The following HIBADH variants were observed in gnomAD, a reference collection of about 807,000 sequenced individuals.
The protein encoded by HIBADH is 3-hydroxyisobutyrate dehydrogenase.
A neutral mutation model predicts 36.1 loss-of-function variants in HIBADH; 25 were observed. The observed-to-expected ratio is 0.69, with a 90% CI of 0.50 to 0.97. The LOEUF is 0.97. Among genes scored for constraint, HIBADH ranks in the 50% least tolerant of loss-of-function variants. The pLI is 0.00. For synonymous variants in HIBADH, 160 were observed against 149.5 expected (o/e 1.07, Z -0.51); for missense variants, 421 against 418.0 (o/e 1.01, Z -0.06).
At chr7:27,619,865 G>C (rs1006593727) in intron 4 of HIBADH, among the ~76,000 whole-genome samples, 14 of 152,090 alleles carry the variant, frequency 9.2e-5, no homozygotes, top group Admixed American at 2.6e-4. Flanking sequence ...CAAACCCACA[G>C]AGAAAGTGAA....
intron 1 of HIBADH, among the ~76,000 whole-genome samples, chr7:27,653,115 C>A (rs943558546): frequency 6.6e-6 from 1 of 150,848 alleles, no homozygotes; most frequent in Non-Finnish European, 1.5e-5. Context: ...GGTGACAGAG[C>A]GAGACTCCGT....
At chr7:27,533,983 T>C (rs533079825) in intron 6 of HIBADH, among the ~76,000 whole-genome samples, 2 of 152,278 alleles carry the variant, frequency 1.3e-5, no homozygotes, top group African/African-American at 2.4e-5. Context: ...CGAGAGTGCA[T>C]GCGTGCATGC....
At position 27,564,043 on chromosome 7, in the gene HIBADH, C is replaced by A. The variant is rs188349768; in HGVS notation, c.485-20943G>T. 2.9e-3 allele frequency among the ~76,000 whole-genome samples: 445 copies of A among 151,994 alleles called. 2 individuals are homozygous for A. The highest frequency in any genetic ancestry group is 4.0e-3 in the Non-Finnish European group (269 of 67,952). On this transcript the variant is annotated intron_variant, in intron 4 of 7. Coordinates refer to ENST00000265395, the MANE Select transcript of HIBADH (RefSeq NM_152740.4). ...CCTCCCAAGTAGCTGAGACTACAGG[C>A]ACCTGCCACCACACCCAGCTAATTT...
At chr7:27,642,236 A>G (rs1785973345) in intron 2 of HIBADH, among the ~76,000 whole-genome samples, 1 of 152,006 alleles carries the variant, frequency 6.6e-6, no homozygotes, top group Non-Finnish European at 1.5e-5. Flanking sequence ...TCATGATTTC[A>G]TTTTACAATC....
intron 4 of HIBADH, among the ~76,000 whole-genome samples, chr7:27,604,235 A>G: frequency 6.6e-6 from 1 of 152,150 alleles, no homozygotes; most frequent in East Asian, 1.9e-4. Context: ...CAGCAAAAAA[A>G]TCATTTTAAT....
At chr7:27,634,401 TC>T (rs1313632907) in intron 2 of HIBADH, among the ~76,000 whole-genome samples, 1 of 152,060 alleles carries the variant, frequency 6.6e-6, no homozygotes, top group African/African-American at 2.4e-5. Flanking sequence ...TCCTACACCT[TC>T]ATAAATATTG....
intron 4 of HIBADH, among the ~76,000 whole-genome samples, chr7:27,577,948 G>A (rs1202689734): frequency 2.6e-5 from 4 of 152,150 alleles, no homozygotes; most frequent in Non-Finnish European, 4.4e-5. Context: ...ATTATCAACA[G>A]TTCATGACCC....
chr7:27,641,510 T>C (rs1353612072), intron 2 of HIBADH, among the ~76,000 whole-genome samples: 1 of 152,148 alleles, frequency 6.6e-6, no homozygotes, highest in Non-Finnish European at 1.5e-5. Context: ...AGTTTCAGAG[T>C]TTCACACATA....
chr7:27,627,027 T>A (rs1791245742), intron 4 of HIBADH, among the ~76,000 whole-genome samples: 1 of 152,128 alleles, frequency 6.6e-6, no homozygotes. Context: ...GATGGAGAAC[T>A]ACAAGCCAGG....
chr7:27,648,293 G>A (rs1365213524), intron 2 of HIBADH, among the ~76,000 whole-genome samples: 9 of 152,094 alleles, frequency 5.9e-5, no homozygotes, highest in East Asian at 5.8e-4. Context: ...TGTAATATCC[G>A]TATTCAGAGA....
intron 2 of HIBADH, among the ~76,000 whole-genome samples, chr7:27,637,501 G>A (rs1002272834): frequency 1.3e-5 from 2 of 152,166 alleles, no homozygotes; most frequent in African/African-American, 2.4e-5. Context: ...CATACTGAAT[G>A]GGCAAAAGGT....
intron 4 of HIBADH, among the ~76,000 whole-genome samples, chr7:27,620,842 T>C (rs1785529420): frequency 6.6e-6 from 1 of 151,202 alleles, no homozygotes; most frequent in African/African-American, 2.4e-5. Flanking sequence ...CATCAGAAAA[T>C]AATTAACAAT....
At chr7:27,550,631 C>G (rs950795560) in intron 4 of HIBADH, among the ~76,000 whole-genome samples, 1 of 152,194 alleles carries the variant, frequency 6.6e-6, no homozygotes, top group Admixed American at 6.5e-5. Context: ...CTCATGACAA[C>G]TCAGAAGTAT....
rs557571567 is a variant in HIBADH at position 27,555,411 on chromosome 7, C to T, written c.485-12311G>A. 6.0e-5 allele frequency among the ~76,000 whole-genome samples: 9 copies of T among 149,614 alleles called. No individual in the cohort carries two copies. The East Asian group carries it at 1.8e-3, about 30-fold the overall frequency. ...CTTAATACAACCCACCTCCTGACTA[C>T]ATACAACTTGTTTCAGTAGAACACT... On this transcript the variant is annotated intron_variant, in intron 4 of 7. Transcript: ENST00000265395.
intron 4 of HIBADH, among the ~76,000 whole-genome samples, chr7:27,548,564 T>C (rs1325249696): frequency 6.6e-6 from 1 of 152,228 alleles, no homozygotes; most frequent in African/African-American, 2.4e-5. Context: ...GCTAGATCTC[T>C]GTGCTATGTG....
intron 1 of HIBADH, among the ~76,000 whole-genome samples, chr7:27,651,485 C>G (rs765405041): frequency 1.3e-5 from 2 of 152,206 alleles, no homozygotes; most frequent in Non-Finnish European, 2.9e-5. Flanking sequence ...TACACTTCAT[C>G]AGAGAACTCT....
At chr7:27,542,870 G>T in intron 5 of HIBADH, 97 bp downstream of exon 5, 1 of 1,291,650 alleles carries the variant, frequency 7.7e-7, no homozygotes, top group Non-Finnish European at 1.1e-6. Flanking sequence ...GAATCCATAG[G>T]TTGAAGAAAG....
At chr7:27,535,637 C>G (rs1053742477) in intron 6 of HIBADH, among the ~76,000 whole-genome samples, 1 of 152,010 alleles carries the variant, frequency 6.6e-6, no homozygotes, top group African/African-American at 2.4e-5. Context: ...AAGTAGGGTA[C>G]TTTCAGGACC....
At chr7:27,546,940 T>G (rs905776070) in intron 4 of HIBADH, among the ~76,000 whole-genome samples, 1 of 152,206 alleles carries the variant, frequency 6.6e-6, no homozygotes, top group African/African-American at 2.4e-5. Context: ...CTCTTGTCTC[T>G]GTAGTCTGTT....
Sources: gnomAD v4.1 joint callset for allele counts (sites outside exome capture counted in the v4.1 genomes callset) on GRCh38, gnomAD v4.1.1 for gene constraint, MANE v1.5 for transcripts, NCBI Gene and HGNC (gene_info 2026-07-23, HGNC 2026-07-21) for gene names.